Variants in TEK observed in about 807,000 individuals in gnomAD.
The protein encoded by TEK is angiopoietin-1 receptor.
Under a neutral mutation model 131.8 loss-of-function variants are expected in TEK, and 43 were observed. That is an observed-to-expected ratio of 0.33 (90% confidence interval 0.26 to 0.42). The LOEUF (loss-of-function observed/expected upper bound fraction) is 0.42. TEK is among the 10% of genes least tolerant of loss of function. The pLI is 1.00. For missense variants in TEK, 1,162 were observed against 1,384.4 expected (o/e 0.84, Z 2.55); for synonymous variants, 580 against 491.6 (o/e 1.18, Z -2.38).
chr9:27,138,208 G>A (rs113645880), intron 1 of TEK, among the ~76,000 whole-genome samples: 3 of 152,208 alleles, frequency 2.0e-5, no homozygotes, highest in Admixed American at 2.0e-4. Flanking sequence ...AAAGAACAAA[G>A]ATTCCACAGT....
intron 4 of TEK, 152 bp from the exon 5 acceptor site, chr9:27,172,464 C>T (rs971522800): frequency 9.3e-7 from 1 of 1,071,924 alleles, no homozygotes; most frequent in African/African-American, 1.6e-5. Flanking sequence ...GTCTGTCTCC[C>T]ATATTAGATG....
At chr9:27,181,454 T>C (rs1028902878) in intron 7 of TEK, among the ~76,000 whole-genome samples, 2 of 152,230 alleles carry the variant, frequency 1.3e-5, no homozygotes, top group African/African-American at 4.8e-5. Flanking sequence ...TCTCTGTAGA[T>C]TGCCTGTTCT....
rs549975756 is a variant in TEK at position 27,184,914 on chromosome 9, C to T, written c.1183-571C>T. Among the ~76,000 whole-genome samples, 3 of 152,166 alleles carry T rather than the reference C, an allele frequency of 2.0e-5. No individual in the cohort carries two copies. The South Asian group carries it at 6.2e-4, about 32-fold the overall frequency. On this transcript the variant is annotated intron_variant, in intron 8 of 22. Coordinates refer to ENST00000380036, the MANE Select transcript of TEK (RefSeq NM_000459.5). ...AATTAGCTGGACATGGTGGCATATACCTGTAGTCCCAGCTACTTGGGTGAG... is the reference window on the plus strand; with the variant it reads ...AATTAGCTGGACATGGTGGCATATATCTGTAGTCCCAGCTACTTGGGTGAG...
chr9:27,132,344 C>T (rs1026219888), intron 1 of TEK, among the ~76,000 whole-genome samples: 2 of 151,802 alleles, frequency 1.3e-5, no homozygotes, highest in South Asian at 2.1e-4. Flanking sequence ...CCTCGGCCTC[C>T]GAAAGTGTGA....
chr9:27,220,013 C>T (rs375383267), intron 20 of TEK, 36 bp from the exon 21 acceptor site: 6 of 1,602,620 alleles, frequency 3.7e-6, no homozygotes, highest in Admixed American at 1.7e-5. Context: ...CTTTTCATGC[C>T]AGAGAGGACT....
chr9:27,127,812 T>C (rs1411691713), intron 1 of TEK, among the ~76,000 whole-genome samples: 3 of 152,230 alleles, frequency 2.0e-5, no homozygotes, highest in Non-Finnish European at 4.4e-5. Context: ...TTACCCAATT[T>C]TGATGGGGTT....
At chr9:27,140,396 G>GAAAAAAAAA (rs59569720) in intron 1 of TEK, among the ~76,000 whole-genome samples, 3 of 113,356 alleles carry the variant, frequency 2.6e-5, no homozygotes, top group East Asian at 3.5e-4. Flanking sequence ...TAGCAAAAAA[G>GAAAAAAAAA]AAAAAAAAAA....
chr9:27,222,920 AG>A, intron 21 of TEK, among the ~76,000 whole-genome samples: 2 of 152,200 alleles, frequency 1.3e-5, no homozygotes, highest in African/African-American at 4.8e-5. Flanking sequence ...AAAGGGACAG[AG>A]GCATATTTAC....
chr9:27,206,338 C>T (rs760507176), intron 14 of TEK, among the ~76,000 whole-genome samples: 18 of 152,242 alleles, frequency 1.2e-4, no homozygotes, highest in African/African-American at 4.3e-4. Flanking sequence ...TCCTCCGTCA[C>T]CCTTTACAGA....
intron 1 of TEK, among the ~76,000 whole-genome samples, chr9:27,143,662 C>T (rs1822809752): frequency 6.6e-6 from 1 of 152,096 alleles, no homozygotes. Flanking sequence ...TCCTTACTTC[C>T]AGAACAACAT....
chr9:27,137,366 A>G (rs1217778086), intron 1 of TEK, among the ~76,000 whole-genome samples: 1 of 152,188 alleles, frequency 6.6e-6, no homozygotes, highest in African/African-American at 2.4e-5. Context: ...ATAATTTGCT[A>G]ATATTTTATT....
intron 21 of TEK, among the ~76,000 whole-genome samples, chr9:27,227,740 T>C (rs533311938): frequency 6.6e-6 from 1 of 152,270 alleles, no homozygotes; most frequent in African/African-American, 2.4e-5. Context: ...CAACACATGA[T>C]TTTTGGGTGG....
chr9:27,134,773 G>A lies in TEK; in HGVS notation c.53-23058G>A, dbSNP rs186204570. On this transcript the variant is annotated intron_variant, in intron 1 of 22. Coordinates refer to ENST00000380036, the MANE Select transcript of TEK (RefSeq NM_000459.5). ...TTCATGATCCCCTACTAGAAGTCAAGTCCATTTAAAGATCTAATAAAAAGA... is the reference window on the plus strand; with the variant it reads ...TTCATGATCCCCTACTAGAAGTCAAATCCATTTAAAGATCTAATAAAAAGA... Among the ~76,000 whole-genome samples, 6 of 152,232 alleles carry A rather than the reference G, an allele frequency of 3.9e-5. No individual in the cohort carries two copies. The South Asian group carries it at 1.0e-3, about 26-fold the overall frequency.
At chr9:27,132,443 T>G (rs917431859) in intron 1 of TEK, among the ~76,000 whole-genome samples, 1 of 152,176 alleles carries the variant, frequency 6.6e-6, no homozygotes, top group Non-Finnish European at 1.5e-5. Flanking sequence ...TTTGAGTACA[T>G]AAAATATCTA....
intron 18 of TEK, among the ~76,000 whole-genome samples, chr9:27,216,763 G>A (rs1825833593): frequency 6.6e-6 from 1 of 152,162 alleles, no homozygotes; most frequent in Non-Finnish European, 1.5e-5. Flanking sequence ...TGACCTAGGA[G>A]AACACCTGCT....
rs763860066 is a variant in TEK, at chr9:27,212,740, A to G, written c.2720A>G (p.His907Arg). ...TACCTGGCCATTGAGTACGCGCCCCATGGAAACCTTCTGGACTTCCTTCGC... is the reference window on the plus strand; with the variant it reads ...TACCTGGCCATTGAGTACGCGCCCCGTGGAAACCTTCTGGACTTCCTTCGC... ...YLYLAIEYAP[H>R]GNLLDFLRKS... is the part of the protein sequence containing the mutation. Residue 907 changes from histidine to arginine, a missense_variant, in exon 17 of 23, where the codon CAT (histidine) becomes CGT (arginine). By Grantham distance (29) the His-to-Arg change is conservative (BLOSUM62 0). Coordinates refer to ENST00000380036, the MANE Select transcript of TEK (RefSeq NM_000459.5). 48 of 1,613,978 alleles carry G rather than the reference A, an allele frequency of 3.0e-5. No individual in the cohort carries two copies. In the Admixed American group the frequency reaches 6.8e-4, roughly 23 times the overall value.
At chr9:27,201,024 G>A (rs1018880519) in intron 12 of TEK, among the ~76,000 whole-genome samples, 2 of 152,166 alleles carry the variant, frequency 1.3e-5, no homozygotes, top group East Asian at 3.8e-4. Flanking sequence ...GCGACCCACT[G>A]CTTCAAAGCA....
At chr9:27,119,580 C>T (rs551376816) in intron 1 of TEK, among the ~76,000 whole-genome samples, 24 of 152,258 alleles carry the variant, frequency 1.6e-4, no homozygotes, top group African/African-American at 5.5e-4. Context: ...CCTGTGGGTT[C>T]TTGGGCTTCT....
Position 27,220,098 on chromosome 9 carries a change from G to C in TEK, c.3153G>C (p.Leu1051=), listed in dbSNP as rs377362798. The C allele has an allele frequency of 3.7e-5, 60 of 1,613,978 alleles. No individual in the cohort carries two copies. The highest frequency in any genetic ancestry group is 5.1e-5 in the Non-Finnish European group (60 of 1,180,016). ...GMTCAELYEK[L]PQGYRLEKPL... The stretch of plus-strand genomic sequence containing the variant: ...CTTGTGCAGAACTCTACGAGAAGCT[G>C]CCCCAGGGCTACAGACTGGAGAAGC... Residue 1051 remains leucine, a synonymous_variant, in exon 21 of 23, where the codon CTG becomes CTC. Transcript: ENST00000380036.
Sources: allele counts gnomAD v4.1 joint callset (sites outside exome capture counted in the v4.1 genomes callset), GRCh38; gene constraint gnomAD v4.1.1; transcripts MANE v1.5; gene names NCBI Gene and HGNC (gene_info 2026-07-23, HGNC 2026-07-21).